The following HDAC9 variants were observed in gnomAD, a reference collection of about 807,000 sequenced individuals.
The protein encoded by HDAC9 is histone deacetylase 9.
HDAC9 carries 41 observed loss-of-function variants against 139.4 expected under a neutral mutation model. The ratio of observed to expected loss-of-function variants is 0.29; its 90% confidence interval spans 0.23 to 0.38. The LOEUF is 0.38. HDAC9 is among the 10% of genes least tolerant of loss of function. The pLI is 1.00. For synonymous variants in HDAC9, 517 were observed against 476.2 expected, an observed-to-expected ratio of 1.09 and a Z score of -1.12; for missense variants, 1,147 against 1,297.0, an observed-to-expected ratio of 0.88 and a Z score of 1.78.
chr7:18,941,557 G>A (rs1392606923), intron 23 of HDAC9, among the ~76,000 whole-genome samples: 2 of 152,090 alleles, frequency 1.3e-5, no homozygotes, highest in African/African-American at 4.8e-5. Flanking sequence ...GATTATGTAT[G>A]GCTGAAGCTT....
intron 2 of HDAC9, among the ~76,000 whole-genome samples, chr7:18,216,566 T>C (rs1173680644): frequency 3.9e-5 from 6 of 152,176 alleles, no homozygotes; most frequent in African/African-American, 1.4e-4. Flanking sequence ...TGTATTGAGA[T>C]GACTGCATGT....
At chr7:18,103,870 A>G (rs552270162) in intron 1 of HDAC9, among the ~76,000 whole-genome samples, 63 of 152,316 alleles carry the variant, frequency 4.1e-4, no homozygotes, top group African/African-American at 1.4e-3. Context: ...GATTCCTAAA[A>G]ACAAGTCTGA....
intron 12 of HDAC9, chr7:18,668,629 A>G (rs1462452878): frequency 6.1e-6 from 6 of 983,744 alleles, no homozygotes; most frequent in East Asian, 1.1e-4. Context: ...AATTTAATCA[A>G]GAAACTACCT....
chr7:18,585,663 A>G, intron 3 of HDAC9, 141 bp downstream of exon 3: 3 of 1,150,422 alleles, frequency 2.6e-6, no homozygotes, highest in Non-Finnish European at 3.6e-6. Context: ...TTGTGATTTT[A>G]CTAGTGAAAA....
intron 1 of HDAC9, among the ~76,000 whole-genome samples, chr7:18,402,497 A>G (rs1787639196): frequency 6.6e-6 from 1 of 152,178 alleles, no homozygotes; most frequent in Admixed American, 6.5e-5. Context: ...AAAGTAAAAG[A>G]CTGAGTGAGG....
chr7:18,718,805 G>T (rs1478906734), intron 12 of HDAC9, among the ~76,000 whole-genome samples: 4 of 151,940 alleles, frequency 2.6e-5, no homozygotes, highest in Non-Finnish European at 5.9e-5. Context: ...GAAATTGCTG[G>T]GTCATAGGGT....
At chr7:18,253,851 TCATTTTTCATC>T (rs1795075843) in intron 2 of HDAC9, among the ~76,000 whole-genome samples, 2 of 152,198 alleles carry the variant, frequency 1.3e-5, no homozygotes, top group African/African-American at 4.8e-5. Flanking sequence ...GTTGAAGGGT[TCATTTTTCATC>T]CAGAACTGGA....
At chr7:18,416,661 A>G (rs1010582323) in intron 1 of HDAC9, among the ~76,000 whole-genome samples, 1 of 152,120 alleles carries the variant, frequency 6.6e-6, no homozygotes, top group Non-Finnish European at 1.5e-5. Context: ...GTCCTCTTCA[A>G]GTTCTTCAAT....
intron 1 of HDAC9, among the ~76,000 whole-genome samples, chr7:18,100,724 C>A (rs1323136791): frequency 2.6e-5 from 4 of 152,044 alleles, no homozygotes; most frequent in African/African-American, 4.8e-5. Context: ...AGTTCTTGGT[C>A]AATTTTGTTT....
intron 1 of HDAC9, among the ~76,000 whole-genome samples, chr7:18,490,113 A>C (rs533694730): frequency 6.6e-6 from 1 of 152,146 alleles, no homozygotes; most frequent in South Asian, 2.1e-4. Context: ...TTGAAATCAC[A>C]CCAAAAGATA....
Position 18,882,796 on chromosome 7 carries a change from A to T in HDAC9, c.2803+8200A>T, listed in dbSNP as rs117367965. Reference sequence around the variant, plus strand: ...ATTCAGTGAAAGTCTGGGTGTTTAGATGATATATTTGAGCACAAAATATAC... The same window carrying T: ...ATTCAGTGAAAGTCTGGGTGTTTAGTTGATATATTTGAGCACAAAATATAC... On this transcript the variant is annotated intron_variant, in intron 22 of 25. Coordinates refer to ENST00000686413, the MANE Select transcript of HDAC9 (RefSeq NM_178425.4). Among the ~76,000 whole-genome samples the T allele has an allele frequency of 3.3e-3, 496 of 152,254 alleles. 1 individual carries two copies. Among genetic ancestry groups the T allele is most frequent in the Non-Finnish European group, 6.1e-3 (415 of 67,982 alleles).
intron 13 of HDAC9, among the ~76,000 whole-genome samples, chr7:18,739,228 G>A (rs949643894): frequency 3.3e-5 from 5 of 152,184 alleles, no homozygotes; most frequent in Admixed American, 6.5e-5. Context: ...GCTCAGAGAT[G>A]TTTGTTATTA....
chr7:18,493,439 A>G (rs1016010245), upstream of HDAC9, among the ~76,000 whole-genome samples: 1 of 151,986 alleles, frequency 6.6e-6, no homozygotes, highest in African/African-American at 2.4e-5. Flanking sequence ...TATAAATGCT[A>G]GACCTATATG....
chr7:18,961,313 T>C (rs913527880), intron 24 of HDAC9, among the ~76,000 whole-genome samples: 1 of 152,172 alleles, frequency 6.6e-6, no homozygotes, highest in Non-Finnish European at 1.5e-5. Flanking sequence ...TAGTCAAATA[T>C]GAGCTGTTTA....
At chr7:18,599,448 G>T (rs1478876283) in intron 6 of HDAC9, among the ~76,000 whole-genome samples, 1 of 152,054 alleles carries the variant, frequency 6.6e-6, no homozygotes, top group Non-Finnish European at 1.5e-5. Flanking sequence ...AAAATCTCCT[G>T]TGCCCCACCT....
At chr7:18,336,696 T>G (rs1008503770) in intron 1 of HDAC9, among the ~76,000 whole-genome samples, 2 of 151,634 alleles carry the variant, frequency 1.3e-5, no homozygotes, top group Admixed American at 6.6e-5. Flanking sequence ...ATTTCATGTT[T>G]TATAAGATGA....
rs1010641900 is a variant in HDAC9, at chr7:18,329,985, G to T, written c.-42+39470G>T. On this transcript the variant is annotated intron_variant, in intron 1 of 3. Coordinates refer to the HDAC9 transcript ENST00000413509. ...GCTGCATTCTAAGGCTTGTGTGTAT[G>T]TGTGTGTGTGTGTGTGTGTGTTCCG... is the stretch of plus-strand genomic sequence containing the variant. 4.5e-4 allele frequency among the ~76,000 whole-genome samples: 5 copies of T among 10,990 alleles called. 1 individual carries two copies. The highest frequency in any genetic ancestry group is 0.059 in the Middle Eastern group (2 of 34). 7.2% of individuals were successfully genotyped at this position (10,990 alleles called of 152,430 possible).
At chr7:18,293,934 T>C (rs1797980719) in intron 1 of HDAC9, among the ~76,000 whole-genome samples, 1 of 152,170 alleles carries the variant, frequency 6.6e-6, no homozygotes, top group African/African-American at 2.4e-5. Context: ...ATTTAAATGC[T>C]TGATTTAATT....
At position 18,656,049 on chromosome 7, in the gene HDAC9, T is replaced by C. The variant is rs566410128; in HGVS notation, c.1467+7366T>C. Among the ~76,000 whole-genome samples, 39 of 148,032 alleles carry C rather than the reference T, an allele frequency of 2.6e-4. No individual in the cohort carries two copies. The South Asian group carries it at 7.4e-3, about 28-fold the overall frequency. ...AAACTGCCAGTGGGTAGCAGTCTCTTTTTTTTTTTTTTGCATATTTTGGTA... is the reference window on the plus strand; with the variant it reads ...AAACTGCCAGTGGGTAGCAGTCTCTCTTTTTTTTTTTTGCATATTTTGGTA... On this transcript the variant is annotated intron_variant, in intron 11 of 25. Coordinates refer to ENST00000686413, the MANE Select transcript of HDAC9 (RefSeq NM_178425.4).
Sources: gnomAD v4.1 joint callset for allele counts (sites outside exome capture counted in the v4.1 genomes callset) on GRCh38, gnomAD v4.1.1 for gene constraint, MANE v1.5 for transcripts, NCBI Gene and HGNC (gene_info 2026-07-23, HGNC 2026-07-21) for gene names.